Variants in ZNF497 observed in about 807,000 individuals in gnomAD.
ZNF497 encodes the protein zinc finger-like protein.
For missense variants in ZNF497, 930 were observed against 714.0 expected, an observed-to-expected ratio of 1.30 and a Z score of -3.45; for synonymous variants, 422 against 313.7, an observed-to-expected ratio of 1.35 and a Z score of -3.65.
At chr19:58,359,919 C>T (rs147301680) in intron 1 of ZNF497, among the ~76,000 whole-genome samples, 291 of 151,614 alleles carry the variant, frequency 1.9e-3, no homozygotes, top group African/African-American at 6.5e-3. Context: ...TTGCAGTGAG[C>T]CGAGATCGCG....
intron 2 of ZNF497, 178 bp from the exon 3 acceptor site, chr19:58,357,827 C>G (rs1599912382): frequency 1.6e-6 from 2 of 1,229,564 alleles, no homozygotes; most frequent in South Asian, 1.9e-5. Flanking sequence ...GCTAGACACT[C>G]GGGGGATGGG....
chr19:58,356,551 T>G lies in ZNF497; in HGVS notation c.1085A>C (p.Gln362Pro), dbSNP rs751347257. Residue 362 changes from glutamine (Q) to proline (P), a missense_variant, in exon 3 of 3, where the codon CAG (glutamine) becomes CCG (proline). Physicochemically the swap from Gln to Pro is moderately conservative, Grantham distance 76. Transcript: ENST00000311044. The part of the protein sequence containing the change: ...HTGEKPHACA[Q>P]CGKAFSQRSN... ...GCGCTGGCTGAAGGCCTTGCCGCAC[T>G]GGGCGCACGCATGAGGCTTCTCGCC... 8.4e-6 allele frequency: 13 copies of G among 1,547,886 alleles called. No individual in the cohort carries two copies. In the South Asian group the frequency reaches 1.5e-4, roughly 18 times the overall value.
At chr19:58,358,039 G>T in intron 2 of ZNF497, 1 of 1,215,508 alleles carries the variant, frequency 8.2e-7, no homozygotes, top group Admixed American at 3.3e-5. Flanking sequence ...ACTCCAGTTT[G>T]TGAGGAACAC....
chr19:58,358,888 C>A (rs1353140945), intron 1 of ZNF497: 4 of 455,796 alleles, frequency 8.8e-6, no homozygotes, highest in Non-Finnish European at 1.8e-5. Context: ...AGCCCCCAGA[C>A]CAGCCCCCAC....
chr19:58,361,432 C>T (rs2052092530), intron 1 of ZNF497, among the ~76,000 whole-genome samples: 1 of 152,152 alleles, frequency 6.6e-6, no homozygotes, highest in Non-Finnish European at 1.5e-5. Context: ...TGTGGGCTCA[C>T]CGCGACCTCC....
At position 58,358,244 on chromosome 19, in the gene ZNF497, A is replaced by G. The variant is rs1408840503; in HGVS notation, c.-15+245T>C. On this transcript the variant is annotated intron_variant, in intron 2 of 2. Transcript: ENST00000311044. ...CACACCAGGCCTCTGTGCAGGTCAG[A>G]CCAGGTGGTCCAAGGCATGGGGTGG... 2.3e-6 allele frequency: 3 copies of G among 1,289,694 alleles called. No individual in the cohort carries two copies. The African/African-American group carries it at 4.6e-5, about 20-fold the overall frequency. 79.9% of individuals were successfully genotyped at this position (1,289,694 alleles called of 1,614,324 possible).
At position 58,356,903 on chromosome 19, in the gene ZNF497, G is replaced by C; in HGVS notation, c.733C>G (p.Pro245Ala). ...TTGCCACAGTCCCGGCAGGCGTGCG[G>C]CCGCGCGCCCGTGTGCACGCGCCGG... Reference protein sequence around the residue: ...EHRRVHTGARPHACRDCGKAF... With the variant: ...EHRRVHTGARAHACRDCGKAF... Residue 245 changes from proline (P) to alanine (A), a missense_variant, in exon 3 of 3, where the codon CCG becomes GCG. Pro to Ala is a conservative substitution (Grantham distance 27). Transcript: ENST00000311044. 6.3e-7 allele frequency: 1 copy of C among 1,592,028 alleles called. No individual in the cohort carries two copies. The highest frequency in any genetic ancestry group is 1.7e-5 in the Admixed American group (1 of 57,598).
At chr19:58,359,717 T>C (rs1291463817) in intron 1 of ZNF497, 5 of 302,644 alleles carry the variant, frequency 1.7e-5, no homozygotes, top group African/African-American at 4.4e-5. Context: ...CTGACGGCTG[T>C]AGTCCTAGCA....
chr19:58,357,753 T>C, intron 2 of ZNF497, 104 bp from the exon 3 acceptor site: 2 of 1,264,198 alleles, frequency 1.6e-6, no homozygotes, highest in Non-Finnish European at 2.1e-6. Flanking sequence ...CCCCCACTCT[T>C]CTCCTCCAGG....
intron 2 of ZNF497, chr19:58,357,933 C>G (rs2052047352): frequency 6.7e-6 from 9 of 1,346,012 alleles, no homozygotes; most frequent in African/African-American, 1.5e-5. Context: ...CGCAGAAGGA[C>G]TCAAAGTTGC....
chr19:58,357,078 G>A lies in ZNF497; in HGVS notation c.558C>T (p.Gly186=). The A allele has an allele frequency of 6.2e-7, 1 of 1,607,894 alleles. No individual in the cohort carries two copies. Among genetic ancestry groups the A allele is most frequent in the Non-Finnish European group, 8.5e-7 (1 of 1,175,930 alleles). ...QLIHHQETHS[G]LKPFRCPDCG... is the part of the protein sequence containing the mutation. Reference sequence around the variant, plus strand: ...AGTCCGGGCAGCGGAAGGGCTTCAGGCCGCTGTGTGTCTCCTGGTGGTGGA... The same window carrying A: ...AGTCCGGGCAGCGGAAGGGCTTCAGACCGCTGTGTGTCTCCTGGTGGTGGA... The change falls in exon 3 of 3, where the codon GGC becomes GGT. Residue 186 remains glycine (G), a synonymous_variant. Coordinates refer to ENST00000311044, the MANE Select transcript of ZNF497 (RefSeq NM_198458.3).
intron 1 of ZNF497, among the ~76,000 whole-genome samples, chr19:58,360,383 TC>T (rs1261016170): frequency 1.3e-5 from 2 of 152,064 alleles, no homozygotes; most frequent in South Asian, 2.1e-4. Context: ...TTTTTTTTTT[TC>T]TTTTGACAGG....
At position 58,357,324 on chromosome 19, in the gene ZNF497, C is replaced by G; in HGVS notation, c.312G>C (p.Pro104=). The change falls in exon 3 of 3, where the codon CCG becomes CCC. Residue 104 remains proline (P), a synonymous_variant. Transcript: ENST00000311044. The part of the protein sequence containing the change: ...ALRPSPLPEE[P]GCRCGECGKA... ...TGCCGCACTCCCCGCACCGGCAGCC[C>G]GGCTCCTCTGGGAGAGGCGAAGGGC... 1 of 1,604,302 alleles carries G rather than the reference C, an allele frequency of 6.2e-7. No homozygotes were observed. Among genetic ancestry groups the G allele is most frequent in the Non-Finnish European group, 8.5e-7 (1 of 1,175,944 alleles).
In ZNF497 at chr19:58,357,511, T is replaced by C. The variant is rs759812537; in HGVS notation, c.125A>G (p.Glu42Gly). The change falls in exon 3 of 3, where the codon GAA (glutamate) becomes GGA (glycine). Residue 42 changes from glutamate (E) to glycine (G), a missense_variant. By Grantham distance (98) the Glu-to-Gly change is moderately conservative. Coordinates refer to ENST00000311044, the MANE Select transcript of ZNF497 (RefSeq NM_198458.3). ...CTCCCTCGGAACCTCCGTGGAGTTT[T>C]CCCAGGCCCCCCAGCCTCCAGACAC... Reference protein sequence around the residue: ...GAVSGGWGAWENSTEVPREAG... With the variant: ...GAVSGGWGAWGNSTEVPREAG... 61 of 1,603,436 alleles carry C rather than the reference T, an allele frequency of 3.8e-5. 1 individual carries two copies. In the South Asian group the frequency reaches 6.7e-4, roughly 18 times the overall value.
rs528157040 is a variant in ZNF497 at position 58,360,116 on chromosome 19, A to G, written c.-111-1531T>C. ...CATTTATGTGAAATGTCCAGAACAG[A>G]TAAGTCTGTAAGAGACAGAAAGTAG... On this transcript the variant is annotated intron_variant, in intron 1 of 2. Coordinates refer to ENST00000311044, the MANE Select transcript of ZNF497 (RefSeq NM_198458.3). Among the ~76,000 whole-genome samples, 158 of 152,378 alleles carry G rather than the reference A, an allele frequency of 1.0e-3. 1 individual carries two copies. The highest frequency in any genetic ancestry group is 1.5e-3 in the Non-Finnish European group (102 of 68,042).
Position 58,356,407 on chromosome 19 carries a change from C to T in ZNF497, c.1229G>A (p.Gly410Glu). ...GLAHHRLSHT[G>E]ERPFACAECG... ...TTCTGCGCAGGCGAAGGGTCGCTCT[C>T]CCGTGTGCGAAAGCCGGTGGTGCGC... Residue 410 changes from glycine to glutamate, a missense_variant, in exon 3 of 3, where the codon GGA (glycine) becomes GAA (glutamate). Gly to Glu is a moderately conservative substitution (Grantham distance 98). Coordinates refer to ENST00000311044, the MANE Select transcript of ZNF497 (RefSeq NM_198458.3). 3 of 1,565,726 alleles carry T rather than the reference C, an allele frequency of 1.9e-6. No individual in the cohort carries two copies. The highest frequency in any genetic ancestry group is 1.7e-4 in the Middle Eastern group (1 of 5,814).
chr19:58,359,262 C>G lies in ZNF497; in HGVS notation c.-111-677G>C, dbSNP rs1014789509. 6 of 1,289,942 alleles carry G rather than the reference C, an allele frequency of 4.7e-6. No homozygotes were observed. The African/African-American group carries it at 9.1e-5, about 20-fold the overall frequency. The allele number at this position is 1,289,942 out of a possible 1,614,324, so 79.9% of individuals were successfully genotyped here. A position where few individuals can be genotyped will look rare whatever the true frequency, so the allele number is the denominator to read the frequency against. ...GCTGATGCCTCACTCATCTGGGCAG[C>G]CATCCTGCCCCTTTCCTGGGAGGGG... On this transcript the variant is annotated intron_variant, in intron 1 of 2. Transcript: ENST00000311044.
intron 1 of ZNF497, among the ~76,000 whole-genome samples, chr19:58,362,430 T>C (rs1397433752): frequency 6.6e-6 from 1 of 152,210 alleles, no homozygotes; most frequent in Non-Finnish European, 1.5e-5. Context: ...GCCACAGAAC[T>C]GATCGCCATA....
chr19:58,356,629 C>T lies in ZNF497; in HGVS notation c.1007G>A (p.Gly336Asp), dbSNP rs2052024677. Residue 336 changes from glycine (G) to aspartate (D), a missense_variant, in exon 3 of 3, where the codon GGC becomes GAC. Gly to Asp is a moderately conservative substitution (Grantham distance 94). Coordinates refer to ENST00000311044, the MANE Select transcript of ZNF497 (RefSeq NM_198458.3). ...GTAGGAGCCCATGACGAAAGCCTGG[C>T]CGCACTCGGCGCACTCGAAGGGCCG... ...GERPFECAEC[G>D]QAFVMGSYLA... 1 of 1,545,908 alleles carries T rather than the reference C, an allele frequency of 6.5e-7. No individual in the cohort carries two copies. Among genetic ancestry groups the T allele is most frequent in the Non-Finnish European group, 8.7e-7 (1 of 1,150,770 alleles).
Sources: allele counts gnomAD v4.1 joint callset (sites outside exome capture counted in the v4.1 genomes callset), GRCh38; gene constraint gnomAD v4.1.1; transcripts MANE v1.5; gene names NCBI Gene and HGNC (gene_info 2026-07-23, HGNC 2026-07-21).